Variants in ERBB4 observed in about 807,000 individuals in gnomAD.
ERBB4 encodes receptor tyrosine-protein kinase erbB-4.
ERBB4 carries 42 observed loss-of-function variants against 158.0 expected under a neutral mutation model. The ratio of observed to expected loss-of-function variants is 0.27; its 90% CI spans 0.21 to 0.34. The LOEUF is 0.34. Among genes scored for constraint, ERBB4 ranks in the 10% least tolerant of loss-of-function variants. The pLI, the probability that ERBB4 is intolerant of heterozygous loss-of-function variation, is 1.00. For missense variants in ERBB4, 1,333 were observed against 1,624.1 expected (o/e 0.82, Z 3.08); for synonymous variants, 583 against 558.7 (o/e 1.04, Z -0.61).
chr2:211,752,948 T>C (rs2075177038), intron 4 of ERBB4, among the ~76,000 whole-genome samples: 1 of 152,242 alleles, frequency 6.6e-6, no homozygotes, highest in Admixed American at 6.5e-5. Flanking sequence ...GGATCTAGAA[T>C]TGACTGTACT....
At chr2:212,361,146 A>C (rs1207642923) in intron 1 of ERBB4, among the ~76,000 whole-genome samples, 1 of 151,660 alleles carries the variant, frequency 6.6e-6, no homozygotes, top group Non-Finnish European at 1.5e-5. Flanking sequence ...CCCATACTTT[A>C]ATTAAAGTTT....
At chr2:211,591,175 T>C (rs1303830550) in intron 19 of ERBB4, among the ~76,000 whole-genome samples, 1 of 152,178 alleles carries the variant, frequency 6.6e-6, no homozygotes, top group Non-Finnish European at 1.5e-5. Flanking sequence ...TGGAGCATCA[T>C]TATTTACTTA....
rs562238842 is a variant in ERBB4, at chr2:212,077,854, A to G, written c.234+46898T>C. Among the ~76,000 whole-genome samples, 384 of 152,184 alleles carry G rather than the reference A, an allele frequency of 2.5e-3. 1 individual carries two copies. Among genetic ancestry groups the G allele is most frequent in the African/African-American group, 8.8e-3 (367 of 41,548 alleles). ...AAATTCTCATCTTTCCACAATTTCC[A>G]TACTTGTTTCTGAAAATTTTAAAGT... is the stretch of plus-strand genomic sequence containing the variant. On this transcript the variant is annotated intron_variant, in intron 2 of 27. Coordinates refer to ENST00000342788, the MANE Select transcript of ERBB4 (RefSeq NM_005235.3).
At chr2:212,028,553 T>G (rs1433045607) in intron 2 of ERBB4, among the ~76,000 whole-genome samples, 1 of 152,138 alleles carries the variant, frequency 6.6e-6, no homozygotes, top group Non-Finnish European at 1.5e-5. Flanking sequence ...TTTGTTTCGT[T>G]GTTCCATTCT....
intron 14 of ERBB4, among the ~76,000 whole-genome samples, chr2:211,666,664 A>C (rs1393042518): frequency 1.3e-5 from 2 of 152,168 alleles, no homozygotes; most frequent in African/African-American, 4.8e-5. Context: ...GTTCTGGACA[A>C]CAGCTACCTG....
intron 3 of ERBB4, among the ~76,000 whole-genome samples, chr2:211,946,184 C>T (rs1305718741): frequency 6.6e-6 from 1 of 151,978 alleles, no homozygotes; most frequent in Non-Finnish European, 1.5e-5. Context: ...ATTATTTCAT[C>T]AACTCTATAG....
At chr2:212,410,957 A>T (rs995815442) in intron 1 of ERBB4, among the ~76,000 whole-genome samples, 2 of 152,118 alleles carry the variant, frequency 1.3e-5, no homozygotes, top group Non-Finnish European at 2.9e-5. Context: ...CTTTTTAAAA[A>T]CTAGGTAAGC....
intron 16 of ERBB4, among the ~76,000 whole-genome samples, chr2:211,637,608 A>T (rs929475085): frequency 6.6e-6 from 1 of 152,000 alleles, no homozygotes; most frequent in African/African-American, 2.4e-5. Flanking sequence ...AATTTAAATC[A>T]TTTAGCTCCA....
intron 16 of ERBB4, among the ~76,000 whole-genome samples, chr2:211,639,643 AT>A (rs1309780559): frequency 3.9e-5 from 6 of 152,242 alleles, no homozygotes; most frequent in African/African-American, 1.4e-4. Flanking sequence ...CTATCGAAGC[AT>A]TAAGCATACA....
At chr2:212,031,739 A>G (rs2076907865) in intron 2 of ERBB4, among the ~76,000 whole-genome samples, 1 of 152,166 alleles carries the variant, frequency 6.6e-6, no homozygotes, top group Non-Finnish European at 1.5e-5. Context: ...TCTATGGACC[A>G]CATTTTGAGG....
At chr2:211,646,286 A>C (rs1390644668) in intron 16 of ERBB4, among the ~76,000 whole-genome samples, 1 of 151,500 alleles carries the variant, frequency 6.6e-6, no homozygotes, top group African/African-American at 2.4e-5. Flanking sequence ...TTTTATTAAA[A>C]ATATATTTTA....
At chr2:212,203,802 GTGGCACAAAGA>G (rs2082656925) in intron 1 of ERBB4, among the ~76,000 whole-genome samples, 1 of 152,058 alleles carries the variant, frequency 6.6e-6, no homozygotes, top group Non-Finnish European at 1.5e-5. Context: ...TGTCATTCAG[GTGGCACAAAGA>G]TAACACCATT....
At chr2:211,635,520 T>C (rs1317672548) in intron 16 of ERBB4, among the ~76,000 whole-genome samples, 1 of 152,156 alleles carries the variant, frequency 6.6e-6, no homozygotes, top group African/African-American at 2.4e-5. Flanking sequence ...GAATATAAAA[T>C]GTGAGAGGAC....
At chr2:211,935,653 C>T (rs977595968) in intron 3 of ERBB4, among the ~76,000 whole-genome samples, 4 of 151,898 alleles carry the variant, frequency 2.6e-5, no homozygotes, top group East Asian at 1.9e-4. Context: ...CACCAGCATC[C>T]GAGGGTCTTC....
chr2:211,644,596 A>T (rs10194698), intron 16 of ERBB4, among the ~76,000 whole-genome samples: 27,900 of 151,924 alleles, frequency 0.18, 2,771 homozygotes, highest in East Asian at 0.24. Context: ...TCTACATGAA[A>T]CATTCTCCTC....
At chr2:211,743,166 T>G (rs2106188316) in intron 5 of ERBB4, among the ~76,000 whole-genome samples, 1 of 152,276 alleles carries the variant, frequency 6.6e-6, no homozygotes, top group East Asian at 1.9e-4. Flanking sequence ...CTCACATTTT[T>G]CAATCAGCTT....
At chr2:212,253,914 C>T (rs1264061169) in intron 1 of ERBB4, among the ~76,000 whole-genome samples, 1 of 152,054 alleles carries the variant, frequency 6.6e-6, no homozygotes, top group Non-Finnish European at 1.5e-5. Flanking sequence ...GCCTGCACAC[C>T]TGTATAGTAT....
At chr2:212,139,593 T>A (rs1010004644) in intron 1 of ERBB4, among the ~76,000 whole-genome samples, 8 of 151,724 alleles carry the variant, frequency 5.3e-5, no homozygotes, top group Admixed American at 2.0e-4. Context: ...CAAGAAAAAA[T>A]TTTTCAATTG....
intron 25 of ERBB4, among the ~76,000 whole-genome samples, chr2:211,413,287 CAGAG>C (rs777336764): frequency 1.8e-5 from 2 of 109,796 alleles, no homozygotes; most frequent in East Asian, 5.2e-4. Flanking sequence ...GGCTTGGGGA[CAGAG>C]AGAGACCCTG....
Sources: allele counts gnomAD v4.1 joint callset (sites outside exome capture counted in the v4.1 genomes callset), GRCh38; gene constraint gnomAD v4.1.1; transcripts MANE v1.5; gene names NCBI Gene and HGNC (gene_info 2026-07-23, HGNC 2026-07-21).